The following SLC25A48 variants were observed in gnomAD, a reference collection of about 807,000 sequenced individuals.
SLC25A48 encodes CTC-321K16.1.
A neutral mutation model predicts 32.2 loss-of-function variants in SLC25A48; 29 were observed. That is an observed-to-expected ratio of 0.90 (90% confidence interval 0.67 to 1.23). SLC25A48 has a LOEUF of 1.23. Among genes scored for constraint, SLC25A48 ranks in the 50% most tolerant of loss-of-function variants. SLC25A48 has a pLI of 0.00. For missense variants in SLC25A48, 399 were observed against 422.7 expected (o/e 0.94, Z 0.49); for synonymous variants, 164 against 172.3 (o/e 0.95, Z 0.38).
rs561483113 is a variant in SLC25A48, at chr5:135,851,892, T to C, written c.163-671T>C. On this transcript the variant is annotated intron_variant, in intron 3 of 7. Coordinates refer to ENST00000681962, the MANE Select transcript of SLC25A48 (RefSeq NM_001349336.2). ...TCCTCAGCCTCCTGCAGCCTGTGTG[T>C]GCGCATCCTGTGTCCTTATGTGGCC... Among the ~76,000 whole-genome samples the C allele has an allele frequency of 2.0e-5, 3 of 152,266 alleles. No homozygotes were observed. The East Asian group carries it at 5.8e-4, about 30-fold the overall frequency.
At chr5:135,871,028 C>T (rs749546792) in intron 4 of SLC25A48, among the ~76,000 whole-genome samples, 15 of 150,562 alleles carry the variant, frequency 1.0e-4, no homozygotes, top group Admixed American at 2.7e-4. Flanking sequence ...CATTTTGCTC[C>T]GCCACACTGT....
At chr5:135,757,285 T>C (rs1755937517) in intron 3 of SLC25A48, among the ~76,000 whole-genome samples, 1 of 149,704 alleles carries the variant, frequency 6.7e-6, no homozygotes, top group African/African-American at 2.4e-5. Flanking sequence ...TTATAATGAC[T>C]AGTGTTAACA....
chr5:135,677,707 T>C (rs756885994), intron 3 of SLC25A48, among the ~76,000 whole-genome samples: 2 of 152,186 alleles, frequency 1.3e-5, no homozygotes, highest in Non-Finnish European at 2.9e-5. Context: ...AAGGCTGGAC[T>C]AGTGGTGGTG....
intron 7 of SLC25A48, among the ~76,000 whole-genome samples, chr5:135,884,313 C>T (rs1184481174): frequency 6.6e-6 from 1 of 152,178 alleles, no homozygotes; most frequent in Non-Finnish European, 1.5e-5. Context: ...GGTGTGAAAC[C>T]TGTTACTGGA....
chr5:135,725,480 A>G lies in SLC25A48; in HGVS notation c.-520-87043A>G, dbSNP rs181732263. Among the ~76,000 whole-genome samples the G allele has an allele frequency of 2.8e-3, 425 of 152,310 alleles. 4 individuals are homozygous for G. The highest frequency in any genetic ancestry group is 1.2e-3 in the Non-Finnish European group (85 of 68,024). On this transcript the variant is annotated intron_variant, in intron 3 of 10. Transcript: ENST00000646290. ...AGCTAGGCAAGTTTCAGGAACAGAA[A>G]GGAGGCTGAAGGGACAGATTTTATT...
intron 1 of SLC25A48, among the ~76,000 whole-genome samples, chr5:135,588,517 G>A (rs1751427359): frequency 6.6e-6 from 1 of 152,244 alleles, no homozygotes. Flanking sequence ...GGCCAGAGAG[G>A]CCCTTGCCAG....
chr5:135,588,914 C>T (rs1751439608), intron 1 of SLC25A48, among the ~76,000 whole-genome samples: 1 of 152,102 alleles, frequency 6.6e-6, no homozygotes, highest in African/African-American at 2.4e-5. Context: ...CATTTCAACT[C>T]CCATTTCACA....
chr5:135,772,675 C>A (rs189862153), intron 3 of SLC25A48, among the ~76,000 whole-genome samples: 4 of 151,094 alleles, frequency 2.6e-5, no homozygotes, highest in African/African-American at 9.7e-5. Flanking sequence ...AGGGTGTACA[C>A]CTCCCTGTAA....
At chr5:135,820,204 A>C (rs1241378618) in intron 4 of SLC25A48, among the ~76,000 whole-genome samples, 1 of 152,222 alleles carries the variant, frequency 6.6e-6, no homozygotes, top group African/African-American at 2.4e-5. Flanking sequence ...GTGTTACGCC[A>C]CATAACAGTA....
At chr5:135,794,102 A>G (rs1757102912) in intron 3 of SLC25A48, among the ~76,000 whole-genome samples, 2 of 152,050 alleles carry the variant, frequency 1.3e-5, no homozygotes, top group South Asian at 4.1e-4. Context: ...GAAAGAGAGA[A>G]TGATATTACT....
intron 3 of SLC25A48, among the ~76,000 whole-genome samples, chr5:135,742,144 A>G (rs1454727374): frequency 6.6e-6 from 1 of 152,124 alleles, no homozygotes; most frequent in African/African-American, 2.4e-5. Flanking sequence ...CAGTGGCACA[A>G]TTTCGACTCA....
At chr5:135,719,986 G>C (rs961256406) in intron 3 of SLC25A48, among the ~76,000 whole-genome samples, 1 of 152,360 alleles carries the variant, frequency 6.6e-6, no homozygotes, top group Admixed American at 6.5e-5. Flanking sequence ...AGTTCTGAAG[G>C]GGCTTGTAGA....
At chr5:135,793,058 G>A (rs1278441855) in intron 3 of SLC25A48, among the ~76,000 whole-genome samples, 1 of 150,850 alleles carries the variant, frequency 6.6e-6, no homozygotes, top group Non-Finnish European at 1.5e-5. Context: ...GTACACCCTG[G>A]GATATTATTT....
chr5:135,616,633 G>A (rs1405860639), intron 1 of SLC25A48, among the ~76,000 whole-genome samples: 4 of 152,200 alleles, frequency 2.6e-5, no homozygotes, highest in Non-Finnish European at 5.9e-5. Flanking sequence ...ATAGACAGAA[G>A]GGACTTGCCT....
At chr5:135,698,479 A>G (rs1754318585) in intron 3 of SLC25A48, among the ~76,000 whole-genome samples, 1 of 152,208 alleles carries the variant, frequency 6.6e-6, no homozygotes, top group Non-Finnish European at 1.5e-5. Flanking sequence ...GTCTGATCCT[A>G]TAAAGAACTT....
At chr5:135,861,994 A>G (rs189398461) in intron 4 of SLC25A48, among the ~76,000 whole-genome samples, 62 of 152,356 alleles carry the variant, frequency 4.1e-4, no homozygotes, top group African/African-American at 1.4e-3. Context: ...GCCTGTGTTC[A>G]GTTGTATGTG....
intron 1 of SLC25A48, among the ~76,000 whole-genome samples, chr5:135,606,532 A>G (rs1751935412): frequency 6.6e-6 from 1 of 152,152 alleles, no homozygotes; most frequent in African/African-American, 2.4e-5. Flanking sequence ...AGCCAGCAGC[A>G]TTGTCGGGTC....
intron 3 of SLC25A48, among the ~76,000 whole-genome samples, chr5:135,773,623 T>C (rs1756474248): frequency 6.6e-6 from 1 of 151,654 alleles, no homozygotes; most frequent in East Asian, 1.9e-4. Context: ...AGAAGATTGA[T>C]ATTACTCCCA....
At chr5:135,626,316 C>T (rs568219759) in intron 1 of SLC25A48, among the ~76,000 whole-genome samples, 1 of 152,340 alleles carries the variant, frequency 6.6e-6, no homozygotes, top group East Asian at 1.9e-4. Flanking sequence ...GGGATTTCTT[C>T]CATTTTGTCC....
Sources: gnomAD v4.1 joint callset for allele counts (sites outside exome capture counted in the v4.1 genomes callset) on GRCh38, gnomAD v4.1.1 for gene constraint, MANE v1.5 for transcripts, NCBI Gene and HGNC (gene_info 2026-07-23, HGNC 2026-07-21) for gene names.